MED12L: variants seen among roughly 807,000 people sequenced by gnomAD.
MED12L encodes mediator of RNA polymerase II transcription subunit 12-like protein.
Under a neutral mutation model 281.3 loss-of-function variants are expected in MED12L, and 60 were observed. The ratio of observed to expected loss-of-function variants is 0.21; its 90% confidence interval spans 0.17 to 0.26. MED12L has a LOEUF of 0.26. Ranked by LOEUF, MED12L falls within the 10% of genes least tolerant of loss-of-function variation. The pLI is 1.00. For synonymous variants in MED12L, 974 were observed against 987.2 expected (o/e 0.99, Z 0.25); for missense variants, 2,146 against 2,680.9 (o/e 0.80, Z 4.41).
chr3:151,336,628 GCCTTGTGTAGAA>G (rs1349159967), intron 16 of MED12L: 1 of 444,250 alleles, frequency 2.3e-6, no homozygotes, highest in Non-Finnish European at 4.5e-6. Flanking sequence ...TAGCGAATAT[GCCTTGTGTAGAA>G]TTAGACTGCA....
intron 20 of MED12L, among the ~76,000 whole-genome samples, chr3:151,359,897 G>A (rs1754397897): frequency 6.6e-6 from 1 of 152,058 alleles, no homozygotes; most frequent in African/African-American, 2.4e-5. Flanking sequence ...GAGTTATACA[G>A]AATATTACAA....
chr3:151,321,268 C>T (rs1748963084), intron 16 of MED12L, among the ~76,000 whole-genome samples: 1 of 152,030 alleles, frequency 6.6e-6, no homozygotes, highest in South Asian at 2.1e-4. Flanking sequence ...GTTTGGACTT[C>T]TTTATTCCAG....
rs1259360514 is a variant in MED12L, at chr3:151,127,846, G to C, written c.418G>C (p.Glu140Gln). 2 of 1,610,762 alleles carry C rather than the reference G, an allele frequency of 1.2e-6. No homozygotes were observed. The highest frequency in any genetic ancestry group is 1.1e-5 in the South Asian group (1 of 90,886). The change falls in exon 5 of 45, where the codon GAG (glutamate) becomes CAG (glutamine). Residue 140 changes from glutamate (E) to glutamine (Q), a missense_variant. Glu to Gln is a conservative substitution (Grantham distance 29). Around this residue, in one of 9 missense-constraint regions of MED12L, gnomAD observed 722 missense variants for 861.2 expected, o/e 0.84. Transcript: ENST00000687756. ...TTAGGTTCCTATCCTTAGTAAAAAA[G>C]AGGATGTTTTTGCATATTTAGCTAA... ...AKKVPILSKKEDVFAYLAKYS... is the reference protein window; with the variant it reads ...AKKVPILSKKQDVFAYLAKYS...
At chr3:151,166,842 A>C (rs1457011650) in intron 11 of MED12L, among the ~76,000 whole-genome samples, 1 of 151,796 alleles carries the variant, frequency 6.6e-6, no homozygotes. Context: ...TGCTCAGCTA[A>C]TTTTTTGTAT....
chr3:151,406,507 G>C (rs1471724147), intron 39 of MED12L, among the ~76,000 whole-genome samples: 2 of 152,094 alleles, frequency 1.3e-5, no homozygotes, highest in African/African-American at 4.8e-5. Context: ...GGATGTTTGT[G>C]ATTTTCTCAG....
intron 16 of MED12L, among the ~76,000 whole-genome samples, chr3:151,348,862 G>T (rs962386756): frequency 2.5e-4 from 38 of 152,150 alleles, no homozygotes; most frequent in Admixed American, 7.2e-4. Flanking sequence ...AGTACTCCAG[G>T]TCAAACATTG....
chr3:151,435,971 A>AAGTT lies in MED12L; in HGVS notation c.*3169_*3172dup, dbSNP rs1262047237. 1.8e-4 allele frequency: 28 copies of AAGTT among 152,326 alleles called. No individual in the cohort carries two copies. The highest frequency in any genetic ancestry group is 6.0e-4 in the African/African-American group (25 of 41,566). 9.4% of individuals were successfully genotyped at this position (152,326 alleles called of 1,614,324 possible). ...CCAGGGGTGCCTGAGCTAGATTTTA[A>AAGTT]AGTTATAAAGAAGTTTCATTGTATT... On this transcript the variant is annotated 3_prime_UTR_variant, in exon 45 of 45. Transcript: ENST00000687756.
At chr3:151,430,193 A>T in intron 43 of MED12L, 106 bp from the exon 44 acceptor site, 1 of 1,487,084 alleles carries the variant, frequency 6.7e-7, no homozygotes, top group Admixed American at 2.1e-5. Context: ...TTTTTCGTGA[A>T]GTGTTGAGAA....
rs1033280023 is a variant in MED12L, at chr3:151,365,951, A to G, written c.3287A>G (p.Asn1096Ser). ...GVLKALCCSS[N>S]HVWGFNDVLC... Reference sequence around the variant, plus strand: ...CTGAAGGCTCTTTGTTGTTCTTCAAATCACGTGTGGGGGTTTAATGATGTA... The same window carrying G: ...CTGAAGGCTCTTTGTTGTTCTTCAAGTCACGTGTGGGGGTTTAATGATGTA... Residue 1096 changes from asparagine (N) to serine (S), a missense_variant, in exon 23 of 45, where the codon AAT becomes AGT. Asn to Ser is a conservative substitution (Grantham distance 46). Transcript: ENST00000687756. 3 of 1,613,262 alleles carry G rather than the reference A, an allele frequency of 1.9e-6. No homozygotes were observed. The highest frequency in any genetic ancestry group is 8.5e-7 in the Non-Finnish European group (1 of 1,179,454).
At chr3:151,357,418 A>G (rs535140748) in intron 20 of MED12L, 42 bp downstream of exon 20, 7 of 1,511,988 alleles carry the variant, frequency 4.6e-6, no homozygotes, top group Middle Eastern at 1.9e-4. Context: ...CAATCTCAGA[A>G]TGTATAACTA....
intron 17 of MED12L, among the ~76,000 whole-genome samples, chr3:151,351,381 T>C (rs989097739): frequency 6.6e-6 from 1 of 152,216 alleles, no homozygotes; most frequent in East Asian, 1.9e-4. Flanking sequence ...CTTCCTGTTA[T>C]TCACATCACC....
intron 16 of MED12L, among the ~76,000 whole-genome samples, chr3:151,348,543 C>T (rs1238660585): frequency 6.6e-6 from 1 of 150,926 alleles, no homozygotes; most frequent in East Asian, 1.9e-4. Flanking sequence ...TAAATAAGAA[C>T]AGCTTCTAAG....
At chr3:151,244,229 A>T (rs1158497931) in intron 16 of MED12L, among the ~76,000 whole-genome samples, 28 of 136,216 alleles carry the variant, frequency 2.1e-4, no homozygotes, top group Admixed American at 1.2e-3. Context: ...GTCAACAAGG[A>T]TACCCAGGAA....
intron 5 of MED12L, among the ~76,000 whole-genome samples, chr3:151,142,572 T>G (rs1717179047): frequency 6.6e-6 from 1 of 152,232 alleles, no homozygotes; most frequent in South Asian, 2.1e-4. Flanking sequence ...TTACATAGTT[T>G]AGAAGCAATA....
intron 11 of MED12L, among the ~76,000 whole-genome samples, chr3:151,180,256 A>G (rs1560125934): frequency 1.3e-5 from 2 of 152,222 alleles, no homozygotes; most frequent in African/African-American, 4.8e-5. Context: ...CAACTGCAGC[A>G]GGTAGTCCAC....
intron 16 of MED12L, among the ~76,000 whole-genome samples, chr3:151,314,710 T>C (rs1277238332): frequency 6.6e-6 from 1 of 152,172 alleles, no homozygotes; most frequent in Non-Finnish European, 1.5e-5. Flanking sequence ...CAAGCATTCC[T>C]GTGTGCTTGG....
At chr3:151,388,407 T>C (rs1713757318) in intron 37 of MED12L, among the ~76,000 whole-genome samples, 1 of 152,258 alleles carries the variant, frequency 6.6e-6, no homozygotes, top group Non-Finnish European at 1.5e-5. Flanking sequence ...AATTGTAGGC[T>C]TCCATTGTAA....
intron 16 of MED12L, among the ~76,000 whole-genome samples, chr3:151,234,262 A>G (rs1221551990): frequency 6.6e-6 from 1 of 152,254 alleles, no homozygotes; most frequent in Admixed American, 6.5e-5. Flanking sequence ...TGAATTAACT[A>G]CAGTTAGTAA....
At chr3:151,372,817 G>T in intron 27 of MED12L, 51 bp downstream of exon 27, 1 of 1,436,170 alleles carries the variant, frequency 7.0e-7, no homozygotes, top group Non-Finnish European at 9.8e-7. Context: ...TCTTCTTTTG[G>T]AGAGAGCTAC....
Sources: gnomAD v4.1 joint callset for allele counts (sites outside exome capture counted in the v4.1 genomes callset) on GRCh38, gnomAD v4.1.1 for gene constraint, gnomAD v4.1.1 regional missense constraint, MANE v1.5 for transcripts, NCBI Gene and HGNC (gene_info 2026-07-23, HGNC 2026-07-21) for gene names.